Variants in ASAP1 observed in about 807,000 individuals in gnomAD.
ASAP1 encodes the protein ArfGAP with SH3 domain, ankyrin repeat and PH domain 1.
A neutral mutation model predicts 145.2 loss-of-function variants in ASAP1; 43 were observed. That is an observed-to-expected ratio of 0.30 (90% CI 0.23 to 0.38). ASAP1 has a LOEUF of 0.38. Among genes scored for constraint, ASAP1 ranks in the 10% least tolerant of loss-of-function variants. The probability of loss-of-function intolerance (pLI) is 1.00; values close to 1 mark genes in which losing one functional copy is unlikely to be tolerated. For missense variants in ASAP1, 1,018 were observed against 1,355.3 expected, an observed-to-expected ratio of 0.75 and a Z score of 3.91; for synonymous variants, 546 against 515.5, an observed-to-expected ratio of 1.06 and a Z score of -0.80.
At chr8:130,086,885 T>A (rs939849420) in intron 25 of ASAP1, among the ~76,000 whole-genome samples, 1 of 152,150 alleles carries the variant, frequency 6.6e-6, no homozygotes, top group African/African-American at 2.4e-5. Flanking sequence ...ATGAAGGAAG[T>A]GTGGCCTTCT....
chr8:130,222,216 AATT>A (rs1160746461), intron 4 of ASAP1, among the ~76,000 whole-genome samples: 1 of 152,172 alleles, frequency 6.6e-6, no homozygotes, highest in Non-Finnish European at 1.5e-5. Context: ...GAACCACAGC[AATT>A]ATTAAATAGG....
intron 5 of ASAP1, among the ~76,000 whole-genome samples, 163 bp from the exon 6 acceptor site, chr8:130,188,346 G>A (rs560937471): frequency 2.6e-5 from 4 of 152,314 alleles, no homozygotes; most frequent in African/African-American, 9.6e-5. Context: ...TAGGTTAGGC[G>A]ACACAATTAT....
At chr8:130,165,445 A>G (rs1272165631) in intron 11 of ASAP1, among the ~76,000 whole-genome samples, 3 of 152,220 alleles carry the variant, frequency 2.0e-5, no homozygotes, top group African/African-American at 4.8e-5. Context: ...TTACACTGAG[A>G]AATCATTCAA....
chr8:130,442,822 GA>G (rs1476492003), intron 1 of ASAP1, among the ~76,000 whole-genome samples: 2 of 152,044 alleles, frequency 1.3e-5, no homozygotes, highest in Non-Finnish European at 2.9e-5. Flanking sequence ...TTTTTTCTTT[GA>G]AACTTCATGT....
At chr8:130,095,294 A>AT (rs71302392) in intron 24 of ASAP1, among the ~76,000 whole-genome samples, 2,765 of 95,666 alleles carry the variant, frequency 0.029, 109 homozygotes, top group African/African-American at 0.086. Context: ...TAGGCCAGTG[A>AT]TTTTTTTTTT....
chr8:130,370,013 AC>A, intron 2 of ASAP1, among the ~76,000 whole-genome samples: 1 of 151,964 alleles, frequency 6.6e-6, no homozygotes, highest in Non-Finnish European at 1.5e-5. Flanking sequence ...TATAAAAGAG[AC>A]CCCAGGCCGG....
intron 2 of ASAP1, among the ~76,000 whole-genome samples, chr8:130,388,855 T>C (rs933355600): frequency 7.9e-5 from 12 of 152,188 alleles, no homozygotes; most frequent in African/African-American, 2.7e-4. Context: ...GGGGATAATA[T>C]AGTAGCACAC....
At chr8:130,189,230 C>G (rs1470379739) in intron 5 of ASAP1, among the ~76,000 whole-genome samples, 1 of 152,146 alleles carries the variant, frequency 6.6e-6, no homozygotes, top group Non-Finnish European at 1.5e-5. Flanking sequence ...TACAGTCACT[C>G]TGCTGTGCTA....
intron 2 of ASAP1, among the ~76,000 whole-genome samples, chr8:130,365,852 G>A (rs1292885836): frequency 6.6e-6 from 1 of 152,220 alleles, no homozygotes; most frequent in Admixed American, 6.5e-5. Flanking sequence ...GGAAGGGTAT[G>A]AGAGGAATTG....
Position 130,137,087 on chromosome 8 carries a change from G to A in ASAP1, c.1081-49C>T, listed in dbSNP as rs763028044. ...AAGTTACATGCAGCTCCACTCTCTT[G>A]TCTGCAGGTTCAGTGCCCTGTAGGG... On this transcript the variant is annotated intron_variant, in intron 13 of 29. Coordinates refer to ENST00000518721, the MANE Select transcript of ASAP1 (RefSeq NM_018482.4). 1.3e-5 allele frequency: 20 copies of A among 1,494,940 alleles called. No homozygotes were observed. The East Asian group carries it at 3.4e-4, about 25-fold the overall frequency. 92.6% of individuals were successfully genotyped at this position (1,494,940 alleles called of 1,614,324 possible).
At chr8:130,115,437 GCT>G in intron 23 of ASAP1, 189 bp downstream of exon 23, 1 of 554,098 alleles carries the variant, frequency 1.8e-6, no homozygotes, top group Non-Finnish European at 3.2e-6. Context: ...TATCCTGTTG[GCT>G]CTGTTTCTCT....
At chr8:130,400,077 C>A (rs1828714334) in intron 2 of ASAP1, among the ~76,000 whole-genome samples, 1 of 152,126 alleles carries the variant, frequency 6.6e-6, no homozygotes, top group African/African-American at 2.4e-5. Flanking sequence ...ACCTCGGCCT[C>A]CCAAAGTGCT....
At chr8:130,357,944 C>G in intron 3 of ASAP1, 73 bp downstream of exon 3, 2 of 1,518,164 alleles carry the variant, frequency 1.3e-6, no homozygotes, top group South Asian at 1.2e-5. Flanking sequence ...TTCCTCCCAG[C>G]TCGGAGAGGA....
intron 2 of ASAP1, among the ~76,000 whole-genome samples, chr8:130,367,768 G>A (rs190783812): frequency 7.4e-4 from 113 of 152,302 alleles, no homozygotes; most frequent in South Asian, 2.3e-3. Context: ...GAGGTCTTCC[G>A]TCTGGGTTGG....
At chr8:130,382,272 C>A (rs1203107155) in intron 2 of ASAP1, among the ~76,000 whole-genome samples, 1 of 105,938 alleles carries the variant, frequency 9.4e-6, no homozygotes, top group South Asian at 3.2e-4. Context: ...AGTGACAGAG[C>A]GAGATTCTGT....
intron 2 of ASAP1, among the ~76,000 whole-genome samples, chr8:130,390,496 A>G (rs1423720340): frequency 6.6e-6 from 1 of 152,254 alleles, no homozygotes; most frequent in Non-Finnish European, 1.5e-5. Flanking sequence ...TATTAGGAAT[A>G]TATGATTACA....
intron 3 of ASAP1, among the ~76,000 whole-genome samples, chr8:130,247,476 T>A (rs11781912): frequency 0.035 from 5,301 of 151,974 alleles, 125 homozygotes; most frequent in Middle Eastern, 0.065. Context: ...ACCATGTTGC[T>A]CTCCAACCCT....
At chr8:130,227,597 A>C (rs981424750) in intron 4 of ASAP1, among the ~76,000 whole-genome samples, 3 of 151,592 alleles carry the variant, frequency 2.0e-5, no homozygotes, top group Non-Finnish European at 4.4e-5. Flanking sequence ...CGTGTCAGTA[A>C]AACATTTCAA....
intron 4 of ASAP1, among the ~76,000 whole-genome samples, chr8:130,221,956 C>T (rs1034489453): frequency 9.2e-5 from 14 of 152,162 alleles, no homozygotes; most frequent in Non-Finnish European, 1.5e-4. Context: ...GCCTCGTACA[C>T]GATGAGCTCA....
Sources: gnomAD v4.1 joint callset for allele counts (sites outside exome capture counted in the v4.1 genomes callset) on GRCh38, gnomAD v4.1.1 for gene constraint, MANE v1.5 for transcripts, NCBI Gene and HGNC (gene_info 2026-07-23, HGNC 2026-07-21) for gene names.